Variants in MPDZ observed in about 807,000 individuals in gnomAD.
The protein encoded by MPDZ is multiple PDZ domain crumbs cell polarity complex component.
In MPDZ, 234 loss-of-function variants were observed where a neutral mutation model predicts 239.1. The observed-to-expected ratio is 0.98, with a 90% CI of 0.88 to 1.09. MPDZ has a LOEUF of 1.09. Among genes scored for constraint, MPDZ ranks in the 50% least tolerant of loss-of-function variants. The pLI, the probability that MPDZ is intolerant of heterozygous loss-of-function variation, is 0.00. For synonymous variants in MPDZ, 1,048 were observed against 881.3 expected (o/e 1.19, Z -3.35); for missense variants, 3,175 against 2,510.0 (o/e 1.26, Z -5.66).
At chr9:13,194,148 T>C (rs566466822) in intron 13 of MPDZ, among the ~76,000 whole-genome samples, 1 of 152,304 alleles carries the variant, frequency 6.6e-6, no homozygotes, top group African/African-American at 2.4e-5. Context: ...ATTTATGCTG[T>C]ATCGCTACAT....
intron 1 of MPDZ, among the ~76,000 whole-genome samples, chr9:13,267,245 C>A (rs1971986438): frequency 6.6e-6 from 1 of 152,298 alleles, no homozygotes; most frequent in African/African-American, 2.4e-5. Flanking sequence ...AAATTGGCGT[C>A]AGTTTTACTG....
chr9:13,203,387 G>A (rs753678607), intron 12 of MPDZ, among the ~76,000 whole-genome samples: 2 of 152,180 alleles, frequency 1.3e-5, no homozygotes, highest in African/African-American at 4.8e-5. Flanking sequence ...GTGGGGAATC[G>A]TGCTGCTGAT....
chr9:13,135,902 C>T, intron 31 of MPDZ, 190 bp downstream of exon 31: 1 of 462,926 alleles, frequency 2.2e-6, no homozygotes, highest in African/African-American at 2.0e-5. Flanking sequence ...ACTACAAGTA[C>T]TCTTCACATA....
chr9:13,221,283 C>T lies in MPDZ; in HGVS notation c.876+89G>A, dbSNP rs1012595457. 37 of 1,380,784 alleles carry T rather than the reference C, an allele frequency of 2.7e-5. No individual in the cohort carries two copies. In the African/African-American group the frequency reaches 4.1e-4, roughly 15 times the overall value. The allele number at this position is 1,380,784 out of a possible 1,614,324, so 85.5% of individuals were successfully genotyped here. A position where few individuals can be genotyped will look rare whatever the true frequency, so the allele number is the denominator to read the frequency against. ...CAATTTCTTTGGCATCATTTAAGGC[C>T]AAAGTTTCTTCTTTCCAACAAAAAA... is the stretch of plus-strand genomic sequence containing the variant. On this transcript the variant is annotated intron_variant, in intron 7 of 46. Coordinates refer to ENST00000319217, the MANE Select transcript of MPDZ (RefSeq NM_001378778.1).
At chr9:13,237,676 C>G (rs1241275406) in intron 3 of MPDZ, among the ~76,000 whole-genome samples, 1 of 151,942 alleles carries the variant, frequency 6.6e-6, no homozygotes, top group Non-Finnish European at 1.5e-5. Context: ...AAGCCTGTCA[C>G]TTCAAGGAAG....
intron 40 of MPDZ, 130 bp downstream of exon 40, chr9:13,115,118 C>G (rs1394842668): frequency 1.5e-6 from 1 of 688,880 alleles, no homozygotes; most frequent in African/African-American, 1.8e-5. Flanking sequence ...CTGTCTCAAA[C>G]TCTGCACCTC....
rs976597362 is a variant in MPDZ, at chr9:13,147,571, G to A, written c.3718C>T (p.Gln1240Ter). ...ACCCTTGGTCTGTTTATAATGCTCT[G>A]TACCATAAAGACTACAGGGTTGCCT... ...KAGNPVVFMV[Q>*]SIINRPRKSP... The change falls in exon 26 of 47, where the codon CAG becomes TAG. Residue 1240 changes from glutamine (Q) to a stop codon, truncating the protein, a stop_gained. Coordinates refer to ENST00000319217, the MANE Select transcript of MPDZ (RefSeq NM_001378778.1). LOFTEE classifies it high-confidence loss of function. The A allele has an allele frequency of 2.5e-6, 4 of 1,612,052 alleles. No homozygotes were observed. Among genetic ancestry groups the A allele is most frequent in the Non-Finnish European group, 3.4e-6 (4 of 1,178,576 alleles).
intron 23 of MPDZ, among the ~76,000 whole-genome samples, chr9:13,158,970 T>C (rs1950149014): frequency 6.6e-6 from 1 of 152,198 alleles, no homozygotes; most frequent in Non-Finnish European, 1.5e-5. Context: ...TGTCCACATA[T>C]TCCTCTTAAA....
Position 13,250,376 on chromosome 9 carries a change from T to C in MPDZ, c.-57-4A>G. On this transcript the variant is annotated splice_region_variant and splice_polypyrimidine_tract_variant and intron_variant, in intron 1 of 46. Transcript: ENST00000319217. Reference sequence around the variant, plus strand: ...TAACAGCAATTAAAATGGAACTCTGTGCAAAAAAGAAATAGAATGGTTATG... The same window carrying C: ...TAACAGCAATTAAAATGGAACTCTGCGCAAAAAAGAAATAGAATGGTTATG... 7.0e-7 allele frequency: 1 copy of C among 1,437,794 alleles called. No homozygotes were observed. The highest frequency in any genetic ancestry group is 9.6e-7 in the Non-Finnish European group (1 of 1,044,936). The allele number at this position is 1,437,794 out of a possible 1,614,324, so 89.1% of individuals were successfully genotyped here. A position where few individuals can be genotyped will look rare whatever the true frequency, so the allele number is the denominator to read the frequency against.
chr9:13,156,796 C>G (rs1270265310), intron 24 of MPDZ, among the ~76,000 whole-genome samples: 2 of 152,134 alleles, frequency 1.3e-5, no homozygotes, highest in Non-Finnish European at 2.9e-5. Context: ...TGACTACCTG[C>G]TACAAAACAG....
intron 1 of MPDZ, among the ~76,000 whole-genome samples, chr9:13,271,021 T>C (rs1477257059): frequency 6.6e-6 from 1 of 152,208 alleles, no homozygotes; most frequent in Non-Finnish European, 1.5e-5. Flanking sequence ...ATACTGAAAC[T>C]ACTGTGCTGT....
chr9:13,150,467 A>G lies in MPDZ; in HGVS notation c.3630+44T>C, dbSNP rs764924088. 5 of 1,393,754 alleles carry G rather than the reference A, an allele frequency of 3.6e-6. No individual in the cohort carries two copies. In the South Asian group the frequency reaches 5.5e-5, roughly 15 times the overall value. 86.3% of individuals were successfully genotyped at this position (1,393,754 alleles called of 1,614,324 possible). A position where few individuals can be genotyped will look rare whatever the true frequency, so the allele number is the denominator to read the frequency against. ...TAAAATTAAAAAATAAATAAATAAA[A>G]CAAAACAAACAAATTTTAGCACAGA... On this transcript the variant is annotated intron_variant, in intron 25 of 46. Transcript: ENST00000319217.
Position 13,125,316 on chromosome 9 carries a change from A to G in MPDZ, c.4707T>C (p.Ala1569=). Residue 1569 remains alanine (A), a synonymous_variant, in exon 35 of 47, where the codon GCT becomes GCC. Coordinates refer to ENST00000319217, the MANE Select transcript of MPDZ (RefSeq NM_001378778.1). ...TGGCTGCACCAGCTGCTGAAGGAAC[A>G]GCCTGGGAATCTGGATTCTCAGCAT... ...TIHAENPDSQ[A]VPSAAGAASG... is the part of the protein sequence containing the mutation. 6.2e-7 allele frequency: 1 copy of G among 1,613,912 alleles called. No individual in the cohort carries two copies. Among genetic ancestry groups the G allele is most frequent in the South Asian group, 1.1e-5 (1 of 91,080 alleles).
chr9:13,251,751 G>C (rs993155942), intron 1 of MPDZ, among the ~76,000 whole-genome samples: 7 of 152,230 alleles, frequency 4.6e-5, no homozygotes, highest in Admixed American at 4.6e-4. Context: ...TGTGTGATAA[G>C]AGAGAACAGT....
intron 18 of MPDZ, 122 bp from the exon 19 acceptor site, chr9:13,183,707 G>A: frequency 1.1e-6 from 1 of 938,704 alleles, no homozygotes; most frequent in Non-Finnish European, 1.6e-6. Flanking sequence ...TTTTCTATAT[G>A]CCCTCTTAAC....
At chr9:13,120,904 T>C (rs1257932408) in intron 38 of MPDZ, among the ~76,000 whole-genome samples, 1 of 152,204 alleles carries the variant, frequency 6.6e-6, no homozygotes, top group Non-Finnish European at 1.5e-5. Flanking sequence ...GCAGGGGCAC[T>C]TTTTACTGAA....
intron 38 of MPDZ, chr9:13,120,632 A>G (rs1944206969): frequency 6.6e-6 from 1 of 152,212 alleles, no homozygotes; most frequent in Non-Finnish European, 1.5e-5. Context: ...TGTGTTTAAA[A>G]ATAATTAGCC....
chr9:13,195,239 G>C (rs371172025), intron 13 of MPDZ, among the ~76,000 whole-genome samples: 1 of 152,124 alleles, frequency 6.6e-6, no homozygotes, highest in African/African-American at 2.4e-5. Context: ...AGTGAGCCAT[G>C]ACTGCACCAC....
Position 13,168,430 on chromosome 9 carries a change from T to C in MPDZ, c.3190A>G (p.Ser1064Gly). 1.2e-6 allele frequency: 2 copies of C among 1,613,596 alleles called. No individual in the cohort carries two copies. Among genetic ancestry groups the C allele is most frequent in the South Asian group, 2.2e-5 (2 of 91,074 alleles). The change falls in exon 22 of 47, where the codon AGT becomes GGT. Residue 1064 changes from serine (S) to glycine (G), a missense_variant. Coordinates refer to ENST00000319217, the MANE Select transcript of MPDZ (RefSeq NM_001378778.1). ...ILSINEESTI[S>G]VTNAQARAML... ...GCTCGTGCCTGGGCATTGGTTACAC[T>C]GATGGTAGACTCTTCATTAATGGAC...
Sources: gnomAD v4.1 joint callset for allele counts (sites outside exome capture counted in the v4.1 genomes callset) on GRCh38, gnomAD v4.1.1 for gene constraint, MANE v1.5 for transcripts, NCBI Gene and HGNC (gene_info 2026-07-23, HGNC 2026-07-21) for gene names.